Variants in NKAIN3 observed in about 807,000 individuals in gnomAD.
The protein encoded by NKAIN3 is sodium/potassium transporting ATPase interacting 3.
NKAIN3 carries 25 observed loss-of-function variants against 30.2 expected under a neutral mutation model. That is an observed-to-expected ratio of 0.83 (90% CI 0.60 to 1.16). NKAIN3 has a LOEUF of 1.16. NKAIN3 is among the 50% of genes most tolerant of loss of function. NKAIN3 has a pLI of 0.00. For missense variants in NKAIN3, 225 were observed against 254.1 expected, an observed-to-expected ratio of 0.89 and a Z score of 0.78; for synonymous variants, 91 against 89.6, an observed-to-expected ratio of 1.02 and a Z score of -0.09.
chr8:62,642,078 TA>T (rs1434005113), intron 3 of NKAIN3, among the ~76,000 whole-genome samples: 3 of 152,020 alleles, frequency 2.0e-5, no homozygotes, highest in African/African-American at 4.8e-5. Context: ...AAATGCTTTT[TA>T]AAAAAATAAA....
chr8:62,589,120 C>T (rs1201792348), intron 2 of NKAIN3, among the ~76,000 whole-genome samples: 1 of 151,758 alleles, frequency 6.6e-6, no homozygotes, highest in Non-Finnish European at 1.5e-5. Flanking sequence ...ATATGAAAAT[C>T]TGTTATTCAT....
At chr8:62,700,533 C>T (rs1363716697) in intron 3 of NKAIN3, among the ~76,000 whole-genome samples, 1 of 152,114 alleles carries the variant, frequency 6.6e-6, no homozygotes, top group Non-Finnish European at 1.5e-5. Flanking sequence ...TCTCTTTTTC[C>T]ATTCATCCCC....
intron 6 of NKAIN3, among the ~76,000 whole-genome samples, chr8:62,962,362 A>C (rs988372555): frequency 3.3e-5 from 5 of 152,382 alleles, no homozygotes; most frequent in African/African-American, 1.2e-4. Flanking sequence ...GCATAATTTC[A>C]ACAAACCAAT....
intron 4 of NKAIN3, among the ~76,000 whole-genome samples, chr8:62,796,990 AT>A (rs1201837774): frequency 6.6e-6 from 1 of 152,206 alleles, no homozygotes; most frequent in Non-Finnish European, 1.5e-5. Context: ...GTGCTCTCTG[AT>A]TCCATTTGTT....
intron 4 of NKAIN3, among the ~76,000 whole-genome samples, chr8:62,897,209 C>T (rs1448049000): frequency 2.0e-5 from 3 of 152,072 alleles, no homozygotes; most frequent in African/African-American, 7.2e-5. Flanking sequence ...TAAATGTAGA[C>T]ACAAAATACA....
At chr8:62,551,504 G>A (rs1030354528) in intron 1 of NKAIN3, among the ~76,000 whole-genome samples, 8 of 152,160 alleles carry the variant, frequency 5.3e-5, no homozygotes, top group African/African-American at 1.9e-4. Flanking sequence ...CTTTAAAATG[G>A]AGAGAAATTG....
intron 1 of NKAIN3, among the ~76,000 whole-genome samples, chr8:62,301,686 A>C (rs912818402): frequency 6.6e-6 from 1 of 152,146 alleles, no homozygotes; most frequent in Non-Finnish European, 1.5e-5. Context: ...ATTAATTTTC[A>C]AAACAGCATT....
chr8:62,568,096 G>C (rs1176135049), intron 1 of NKAIN3, among the ~76,000 whole-genome samples: 1 of 152,172 alleles, frequency 6.6e-6, no homozygotes, highest in Non-Finnish European at 1.5e-5. Flanking sequence ...GCCACACCTA[G>C]ATATGGGTGG....
At chr8:62,440,852 A>C (rs1028257489) in intron 1 of NKAIN3, among the ~76,000 whole-genome samples, 4 of 152,154 alleles carry the variant, frequency 2.6e-5, no homozygotes, top group African/African-American at 9.7e-5. Context: ...GAGTTTATTC[A>C]GTGCAGGGTG....
intron 4 of NKAIN3, among the ~76,000 whole-genome samples, chr8:62,748,060 C>A (rs13275702): frequency 0.53 from 80,979 of 152,116 alleles, 23,703 homozygotes; most frequent in Non-Finnish European, 0.67. Flanking sequence ...TACTATGTAA[C>A]AAACCACTCC....
chr8:62,797,563 T>C (rs940120638), intron 4 of NKAIN3, among the ~76,000 whole-genome samples: 1 of 152,192 alleles, frequency 6.6e-6, no homozygotes, highest in Non-Finnish European at 1.5e-5. Context: ...ACTTATTTTT[T>C]CTCATGTCTG....
rs1399987357 is a variant in NKAIN3 at position 62,307,408 on chromosome 8, C to T, written c.54+58281C>T. Reference sequence around the variant, plus strand: ...TTTATCCCCTCCTCTGTCCCTATCTCTCTGCCCTTTTATATATTTAATTTT... The same window carrying T: ...TTTATCCCCTCCTCTGTCCCTATCTTTCTGCCCTTTTATATATTTAATTTT... On this transcript the variant is annotated intron_variant, in intron 1 of 6. Transcript: ENST00000623646. Among the ~76,000 whole-genome samples the T allele has an allele frequency of 4.0e-5, 6 of 150,000 alleles. 1 individual carries two copies. The highest frequency in any genetic ancestry group is 7.6e-5 in the African/African-American group (3 of 39,542).
intron 1 of NKAIN3, among the ~76,000 whole-genome samples, chr8:62,574,651 A>G (rs1434665402): frequency 1.3e-5 from 2 of 152,096 alleles, no homozygotes; most frequent in African/African-American, 2.4e-5. Flanking sequence ...GTAATGATTT[A>G]CGTTTCCACC....
chr8:62,422,495 T>A (rs1421742491), intron 1 of NKAIN3, among the ~76,000 whole-genome samples: 1 of 152,174 alleles, frequency 6.6e-6, no homozygotes, highest in Non-Finnish European at 1.5e-5. Flanking sequence ...CAGTGAAGTC[T>A]TATCTTTTTA....
intron 1 of NKAIN3, among the ~76,000 whole-genome samples, chr8:62,377,880 C>G (rs540692765): frequency 8.5e-5 from 13 of 152,198 alleles, no homozygotes; most frequent in African/African-American, 3.1e-4. Context: ...GGTATTGCTT[C>G]ATAGTGATGT....
At chr8:62,691,411 C>T (rs1169321775) in intron 3 of NKAIN3, among the ~76,000 whole-genome samples, 2 of 151,870 alleles carry the variant, frequency 1.3e-5, no homozygotes, top group African/African-American at 2.4e-5. Flanking sequence ...TGAGGCTGAG[C>T]GCTAGGGTGG....
At chr8:62,660,409 C>A (rs1389581921) in intron 3 of NKAIN3, among the ~76,000 whole-genome samples, 1 of 151,962 alleles carries the variant, frequency 6.6e-6, no homozygotes, top group African/African-American at 2.4e-5. Flanking sequence ...GATGAGGTAT[C>A]CATGTGTGAA....
At chr8:62,816,536 A>G (rs1398398992) in intron 4 of NKAIN3, among the ~76,000 whole-genome samples, 1 of 152,140 alleles carries the variant, frequency 6.6e-6, no homozygotes, top group Non-Finnish European at 1.5e-5. Context: ...CAGTTTGGCC[A>G]TGGCAGCTCT....
intron 1 of NKAIN3, among the ~76,000 whole-genome samples, chr8:62,479,900 C>A (rs1433399119): frequency 6.6e-6 from 1 of 152,112 alleles, no homozygotes; most frequent in Non-Finnish European, 1.5e-5. Flanking sequence ...AATAAGGAAA[C>A]AAGTGAGAAA....
Sources: allele counts gnomAD v4.1 joint callset (sites outside exome capture counted in the v4.1 genomes callset), GRCh38; gene constraint gnomAD v4.1.1; transcripts MANE v1.5; gene names NCBI Gene and HGNC (gene_info 2026-07-23, HGNC 2026-07-21).